Variants in RASGEF1C observed in about 807,000 individuals in gnomAD.
RASGEF1C encodes ras-GEF domain-containing family member 1C.
Under a neutral mutation model 58.1 loss-of-function variants are expected in RASGEF1C, and 27 were observed. That is an observed-to-expected ratio of 0.46 (90% CI 0.34 to 0.64). The LOEUF (loss-of-function observed/expected upper bound fraction) is 0.64. Ranked by LOEUF, RASGEF1C falls within the 30% of genes least tolerant of loss-of-function variation. The probability of loss-of-function intolerance (pLI) is 0.01; values close to 1 mark genes in which losing one functional copy is unlikely to be tolerated. For synonymous variants in RASGEF1C, 243 were observed against 246.3 expected, an observed-to-expected ratio of 0.99 and a Z score of 0.13; for missense variants, 502 against 605.1, an observed-to-expected ratio of 0.83 and a Z score of 1.79.
At chr5:180,121,214 G>A in intron 6 of RASGEF1C, 65 bp from the exon 7 acceptor site, 2 of 1,127,120 alleles carry the variant, frequency 1.8e-6, no homozygotes, top group Non-Finnish European at 2.7e-6. Flanking sequence ...TTTAGAGCAT[G>A]AAGTCAGTTC....
intron 5 of RASGEF1C, 124 bp downstream of exon 5, chr5:180,128,286 C>G: frequency 3.3e-6 from 3 of 919,630 alleles, no homozygotes; most frequent in Middle Eastern, 3.3e-4. Flanking sequence ...AGTGCATGCT[C>G]GAGGCTAGGC....
intron 12 of RASGEF1C, among the ~76,000 whole-genome samples, chr5:180,103,649 T>C (rs1399808826): frequency 6.6e-6 from 1 of 152,196 alleles, no homozygotes; most frequent in Admixed American, 6.5e-5. Context: ...TAATTTTTCT[T>C]TCTGATTTGT....
chr5:180,116,093 C>T (rs1053014419), intron 10 of RASGEF1C, among the ~76,000 whole-genome samples: 21 of 152,078 alleles, frequency 1.4e-4, no homozygotes, highest in African/African-American at 4.8e-4. Context: ...CAAGAGGTGG[C>T]GCGTCCCATA....
intron 11 of RASGEF1C, among the ~76,000 whole-genome samples, chr5:180,112,364 T>G (rs967748344): frequency 6.6e-6 from 1 of 152,200 alleles, no homozygotes; most frequent in Non-Finnish European, 1.5e-5. Flanking sequence ...GGAGGGCAGC[T>G]CCAGGCCCAA....
intron 1 of RASGEF1C, among the ~76,000 whole-genome samples, chr5:180,144,213 C>T (rs773147192): frequency 5.9e-5 from 9 of 152,190 alleles, no homozygotes; most frequent in East Asian, 1.9e-4. Context: ...CCAACTGCAC[C>T]GCCATGGTTC....
intron 5 of RASGEF1C, among the ~76,000 whole-genome samples, chr5:180,127,990 G>GT (rs1766292153): frequency 2.0e-5 from 3 of 152,346 alleles, no homozygotes; most frequent in East Asian, 3.9e-4. Flanking sequence ...GGGGTGGAGG[G>GT]GCTGGTGGCT....
chr5:180,117,394 C>G (rs1390735889), intron 10 of RASGEF1C, among the ~76,000 whole-genome samples: 2 of 152,234 alleles, frequency 1.3e-5, no homozygotes, highest in Non-Finnish European at 2.9e-5. Flanking sequence ...CACCTGCATT[C>G]CAACACCAGC....
intron 1 of RASGEF1C, among the ~76,000 whole-genome samples, chr5:180,176,316 A>G (rs1767224804): frequency 6.6e-6 from 1 of 152,192 alleles, no homozygotes; most frequent in South Asian, 2.1e-4. Context: ...TGACCCAGCC[A>G]CGCTGAGTGC....
chr5:180,116,790 C>A (rs888649628), intron 10 of RASGEF1C, among the ~76,000 whole-genome samples: 13 of 152,370 alleles, frequency 8.5e-5, no homozygotes, highest in Non-Finnish European at 1.8e-4. Context: ...CCAACCTAGG[C>A]CTGTAGCCAG....
intron 6 of RASGEF1C, among the ~76,000 whole-genome samples, chr5:180,122,507 A>G (rs192612353): frequency 6.6e-6 from 1 of 152,272 alleles, no homozygotes; most frequent in East Asian, 1.9e-4. Flanking sequence ...TTGGGAGGCC[A>G]AGGTGGGTGG....
At chr5:180,176,074 C>T (rs1459216535) in intron 1 of RASGEF1C, among the ~76,000 whole-genome samples, 1 of 152,240 alleles carries the variant, frequency 6.6e-6, no homozygotes, top group African/African-American at 2.4e-5. Context: ...GTCATCAGCC[C>T]AACCCAAAGA....
chr5:180,186,382 C>T (rs970671218), intron 1 of RASGEF1C, among the ~76,000 whole-genome samples: 16 of 152,118 alleles, frequency 1.1e-4, no homozygotes, highest in Admixed American at 3.9e-4. Flanking sequence ...TTCTATACAT[C>T]ATCTATTAAT....
chr5:180,132,416 A>G (rs1324326986), intron 4 of RASGEF1C, among the ~76,000 whole-genome samples: 1 of 152,248 alleles, frequency 6.6e-6, no homozygotes, highest in African/African-American at 2.4e-5. Flanking sequence ...GTCCCTGACC[A>G]GGTGAGGCTA....
intron 12 of RASGEF1C, among the ~76,000 whole-genome samples, chr5:180,102,718 G>A (rs1202433755): frequency 3.8e-4 from 57 of 151,640 alleles, no homozygotes; most frequent in Non-Finnish European, 2.9e-5. Context: ...ATATTTGCGT[G>A]GGTCTCTTTC....
In RASGEF1C at chr5:180,100,919, G is replaced by A. The variant is rs74852909; in HGVS notation, c.*582C>T. 2,631 of 154,990 alleles carry A rather than the reference G, an allele frequency of 0.017. 85 individuals are homozygous for A. Among genetic ancestry groups the A allele is most frequent in the African/African-American group, 0.055 (2,273 of 41,606 alleles). 9.6% of individuals were successfully genotyped at this position (154,990 alleles called of 1,614,324 possible). On this transcript the variant is annotated 3_prime_UTR_variant, in exon 14 of 14. Transcript: ENST00000361132. ...GTTGACGCGTTCCACAGCTGTCACC[G>A]GAAAGCTATCTCCTGGGGCCAGCAG... is the stretch of plus-strand genomic sequence containing the variant.
chr5:180,149,221 G>A (rs1393065379), intron 1 of RASGEF1C, among the ~76,000 whole-genome samples: 1 of 150,626 alleles, frequency 6.6e-6, no homozygotes, highest in Non-Finnish European at 1.5e-5. Flanking sequence ...CCAAGTAGTT[G>A]GGACTACAGG....
In RASGEF1C at chr5:180,209,127, C is replaced by CA. The variant is rs1428808096; in HGVS notation, c.-107_-106insT. ...GGGCGCCGCCCGCCGCCGCCGCCGC[C>CA]GCCGCCGCCGCCGCCGCCGCCGCCC... On this transcript the variant is annotated 5_prime_UTR_variant, in exon 1 of 14. Coordinates refer to ENST00000361132, the MANE Select transcript of RASGEF1C (RefSeq NM_175062.4). The CA allele has an allele frequency of 6.0e-5, 1 of 16,584 alleles. No homozygotes were observed. Among genetic ancestry groups the CA allele is most frequent in the Non-Finnish European group, 1.3e-4 (1 of 7,450 alleles). 1.0% of individuals were successfully genotyped at this position (16,584 alleles called of 1,614,324 possible).
chr5:180,204,489 A>G (rs1756455602), intron 1 of RASGEF1C, among the ~76,000 whole-genome samples: 1 of 152,070 alleles, frequency 6.6e-6, no homozygotes, highest in Non-Finnish European at 1.5e-5. Flanking sequence ...AATCCATCAC[A>G]TGACTCATTA....
intron 1 of RASGEF1C, among the ~76,000 whole-genome samples, chr5:180,175,076 G>A (rs1436335432): frequency 6.6e-6 from 1 of 152,120 alleles, no homozygotes; most frequent in Non-Finnish European, 1.5e-5. Context: ...AGCACCTGCT[G>A]CCCAGGGCTC....
Sources: gnomAD v4.1 joint callset for allele counts (sites outside exome capture counted in the v4.1 genomes callset) on GRCh38, gnomAD v4.1.1 for gene constraint, MANE v1.5 for transcripts, NCBI Gene and HGNC (gene_info 2026-07-23, HGNC 2026-07-21) for gene names.